Variants in BRINP1 observed in about 807,000 individuals in gnomAD.
BRINP1 encodes the protein BMP/retinoic acid inducible neural specific 1, also known as BMP/retinoic acid-inducible neural-specific protein 1.
A neutral mutation model predicts 72.9 loss-of-function variants in BRINP1; 17 were observed. That is an observed-to-expected ratio of 0.23 (90% CI 0.16 to 0.35). The LOEUF (loss-of-function observed/expected upper bound fraction) is 0.35, where lower values mean the gene tolerates loss of function less well. BRINP1 is among the 10% of genes least tolerant of loss of function. BRINP1 has a pLI of 1.00. For synonymous variants in BRINP1, 418 were observed against 378.5 expected (o/e 1.10, Z -1.21); for missense variants, 850 against 1,001.6 (o/e 0.85, Z 2.04).
chr9:119,360,794 G>A (rs571257458), intron 1 of BRINP1, among the ~76,000 whole-genome samples: 3 of 152,262 alleles, frequency 2.0e-5, no homozygotes, highest in African/African-American at 4.8e-5. Context: ...TTATATCTTA[G>A]AAACCTCCCA....
At chr9:119,289,573 T>C (rs1055507976) in intron 2 of BRINP1, among the ~76,000 whole-genome samples, 1 of 152,210 alleles carries the variant, frequency 6.6e-6, no homozygotes, top group Non-Finnish European at 1.5e-5. Context: ...ATGACTCACT[T>C]GATATGCAGA....
rs973861091 is a variant in BRINP1, at chr9:119,214,658, C to T, written c.686-503G>A. 4.6e-5 allele frequency among the ~76,000 whole-genome samples: 7 copies of T among 151,064 alleles called. No individual in the cohort carries two copies. In the East Asian group the frequency reaches 5.8e-4, roughly 13 times the overall value. ...TATAATCAGCAGGTGTAGACATGGA[C>T]GCACATCATCATAACATGGCTTTAT... On this transcript the variant is annotated intron_variant, in intron 5 of 7. Coordinates refer to ENST00000265922, the MANE Select transcript of BRINP1 (RefSeq NM_014618.3).
intron 7 of BRINP1, among the ~76,000 whole-genome samples, chr9:119,170,290 G>A (rs972061578): frequency 1.3e-5 from 2 of 151,936 alleles, no homozygotes; most frequent in Non-Finnish European, 2.9e-5. Flanking sequence ...GCTTAAAGGA[G>A]CTGATGGAGC....
rs1040456851 is a variant in BRINP1, at chr9:119,354,146, A to G, written c.-51+14910T>C. 5.3e-5 allele frequency among the ~76,000 whole-genome samples: 8 copies of G among 152,264 alleles called. No individual in the cohort carries two copies. In the East Asian group the frequency reaches 1.4e-3, roughly 26 times the overall value. ...TATGGATCATCAGAATTGCTTGTAT[A>G]CATTTTTTGACATGCCTAATATTCT... On this transcript the variant is annotated intron_variant, in intron 1 of 7. Coordinates refer to ENST00000265922, the MANE Select transcript of BRINP1 (RefSeq NM_014618.3).
Position 119,325,461 on chromosome 9 carries a change from T to C in BRINP1, c.-50-12056A>G, listed in dbSNP as rs924163637. 2.0e-5 allele frequency among the ~76,000 whole-genome samples: 3 copies of C among 152,224 alleles called. No homozygotes were observed. The East Asian group carries it at 5.8e-4, about 29-fold the overall frequency. ...ATTTCCACATCCTGTCAATTTACTT[T>C]GCTTTCACATCCATCTACTTCCTTT... On this transcript the variant is annotated intron_variant, in intron 1 of 7. Transcript: ENST00000265922.
At chr9:119,196,456 A>C (rs1008405223) in intron 7 of BRINP1, among the ~76,000 whole-genome samples, 2 of 152,172 alleles carry the variant, frequency 1.3e-5, no homozygotes, top group Non-Finnish European at 2.9e-5. Flanking sequence ...AACATTTACT[A>C]AACCACAGCA....
chr9:119,213,483 C>T (rs1164824850), intron 6 of BRINP1: 2 of 213,786 alleles, frequency 9.4e-6, no homozygotes, highest in South Asian at 1.2e-4. Flanking sequence ...TGCATATGCA[C>T]ATATAAATAT....
intron 2 of BRINP1, among the ~76,000 whole-genome samples, chr9:119,308,312 TA>T (rs1831019391): frequency 6.6e-6 from 1 of 152,216 alleles, no homozygotes; most frequent in South Asian, 2.1e-4. Flanking sequence ...ATCAAGATTA[TA>T]CCTGGAATCA....
chr9:119,184,157 C>T (rs1206798328), intron 7 of BRINP1, among the ~76,000 whole-genome samples: 1 of 152,118 alleles, frequency 6.6e-6, no homozygotes, highest in Admixed American at 6.6e-5. Flanking sequence ...CTTGCATCAG[C>T]CAAGTGAGTC....
At chr9:119,196,716 G>A (rs1306719027) in intron 7 of BRINP1, among the ~76,000 whole-genome samples, 2 of 152,128 alleles carry the variant, frequency 1.3e-5, no homozygotes, top group Admixed American at 6.6e-5. Context: ...TTTTACAGAT[G>A]AGGACACTCA....
chr9:119,361,797 A>AT (rs869281749), intron 1 of BRINP1, among the ~76,000 whole-genome samples: 3,820 of 64,502 alleles, frequency 0.059, 38 homozygotes, highest in African/African-American at 0.1. Flanking sequence ...CAGTTTTTGC[A>AT]TTTTTTTTTT....
intron 5 of BRINP1, among the ~76,000 whole-genome samples, chr9:119,233,625 A>G (rs1174120992): frequency 6.6e-6 from 1 of 152,190 alleles, no homozygotes; most frequent in East Asian, 1.9e-4. Flanking sequence ...ATGTTATTAA[A>G]TAAAACCTAA....
intron 7 of BRINP1, 115 bp from the exon 8 acceptor site, chr9:119,168,339 G>A (rs1829346445): frequency 3.9e-5 from 31 of 790,036 alleles, no homozygotes; most frequent in South Asian, 1.6e-4. Context: ...GGACTGGATG[G>A]AGCAGTGACA....
At chr9:119,344,290 T>C (rs1426497938) in intron 1 of BRINP1, among the ~76,000 whole-genome samples, 1 of 152,208 alleles carries the variant, frequency 6.6e-6, no homozygotes, top group African/African-American at 2.4e-5. Context: ...TCAATAAATA[T>C]ACATTATTAT....
chr9:119,167,838 C>A lies in BRINP1; in HGVS notation c.1532G>T (p.Arg511Leu). The change falls in exon 8 of 8, where the codon CGC becomes CTC. Residue 511 changes from arginine (R) to leucine (L), a missense_variant. Arg to Leu is a moderately radical substitution (Grantham distance 102). Transcript: ENST00000265922. This position sits in a 1 kb window ranked among gnomAD's most constrained non-coding sequence, Gnocchi z 4.3. ...VHTTFISNEI[R>L]LDTFFDPRWR... is the part of the protein sequence containing the mutation. ...CCGAGGGTCAAAGAAGGTGTCGAGG[C>A]GGATCTCGTTGCTGATGAAGGTGGT... 6.2e-7 allele frequency: 1 copy of A among 1,614,132 alleles called. No homozygotes were observed. Among genetic ancestry groups the A allele is most frequent in the Non-Finnish European group, 8.5e-7 (1 of 1,180,026 alleles).
intron 2 of BRINP1, among the ~76,000 whole-genome samples, chr9:119,284,320 T>G (rs1261566660): frequency 6.6e-6 from 1 of 152,248 alleles, no homozygotes; most frequent in Non-Finnish European, 1.5e-5. Context: ...TGCAGTTTTC[T>G]CTTCCCGCTG....
chr9:119,173,502 A>G (rs1564208985), intron 7 of BRINP1, among the ~76,000 whole-genome samples: 2 of 152,138 alleles, frequency 1.3e-5, no homozygotes, highest in Non-Finnish European at 2.9e-5. Context: ...CAAATGGAAG[A>G]ACATTCCATG....
chr9:119,296,737 T>C (rs188661698), intron 2 of BRINP1, among the ~76,000 whole-genome samples: 46 of 152,298 alleles, frequency 3.0e-4, no homozygotes, highest in African/African-American at 1.1e-3. Context: ...GAGGACATTA[T>C]GCTAAATGAA....
chr9:119,177,727 C>G (rs903122264), intron 7 of BRINP1, among the ~76,000 whole-genome samples: 6 of 152,136 alleles, frequency 3.9e-5, no homozygotes, highest in African/African-American at 1.2e-4. Flanking sequence ...GATGAAAGTT[C>G]CTGGTGATGC....
Sources: gnomAD v4.1 joint callset for allele counts (sites outside exome capture counted in the v4.1 genomes callset) on GRCh38, gnomAD v4.1.1 for gene constraint, Gnocchi (gnomAD v3.1) non-coding constraint, MANE v1.5 for transcripts, NCBI Gene and HGNC (gene_info 2026-07-23, HGNC 2026-07-21) for gene names.